SP140: variants seen among roughly 807,000 people sequenced by gnomAD.
SP140 encodes the protein nuclear body protein SP140.
Under a neutral mutation model 125.0 loss-of-function variants are expected in SP140, and 81 were observed. The ratio of observed to expected loss-of-function variants is 0.65; its 90% CI spans 0.54 to 0.78. The LOEUF is 0.78. SP140 is among the 30% of genes least tolerant of loss of function. The pLI is 0.00. For synonymous variants in SP140, 312 were observed against 354.0 expected (o/e 0.88, Z 1.33); for missense variants, 858 against 1,037.0 (o/e 0.83, Z 2.37).
At chr2:230,199,154 T>TA (rs1559160092), upstream of SP140, among the ~76,000 whole-genome samples, 75 of 111,636 alleles carry the variant, frequency 6.7e-4, no homozygotes, top group Middle Eastern at 4.7e-3. Flanking sequence ...TATTATTTTT[T>TA]TTTTTTTTTA....
chr2:230,229,432 TTTTTCCCTTTGCATGAAGAAATTC>T (rs2046918950), intron 1 of SP140, among the ~76,000 whole-genome samples: 1 of 151,146 alleles, frequency 6.6e-6, no homozygotes, highest in African/African-American at 2.4e-5. Flanking sequence ...GCCCACATCA[TTTTTCCCTTTGCATGAAGAAATTC>T]TTTTTTTTTT....
chr2:230,290,682 G>C, intron 19 of SP140, 118 bp downstream of exon 19: 1 of 818,104 alleles, frequency 1.2e-6, no homozygotes, highest in Non-Finnish European at 1.9e-6. Flanking sequence ...TGGCTTGAGG[G>C]AAGGAGGAAG....
chr2:230,225,946 A>AGG (rs748964691), intron 1 of SP140, 43 bp downstream of exon 1: 7 of 1,531,436 alleles, frequency 4.6e-6, no homozygotes, highest in Admixed American at 1.7e-5. Flanking sequence ...CATCTCTGGT[A>AGG]GGGTTCCCTT....
intron 22 of SP140, among the ~76,000 whole-genome samples, chr2:230,299,650 C>T: frequency 6.6e-6 from 1 of 152,100 alleles, no homozygotes; most frequent in Non-Finnish European, 1.5e-5. Flanking sequence ...CCATGGCAGG[C>T]AGGGAGGGGT....
chr2:230,192,261 CA>C, the SP140 span, among the ~76,000 whole-genome samples: 3 of 152,284 alleles, frequency 2.0e-5, no homozygotes, highest in South Asian at 6.2e-4. Flanking sequence ...TCCTATTCAA[CA>C]TAGTATTAGA....
intron 22 of SP140, among the ~76,000 whole-genome samples, chr2:230,308,016 C>G (rs59548048): frequency 0.085 from 10,770 of 127,366 alleles, 669 homozygotes; most frequent in South Asian, 0.21. Context: ...CACACACACA[C>G]AGAGACACAC....
rs557118005 is a variant in SP140 at position 230,256,471 on chromosome 2, A to G, written c.1240+939A>G. The stretch of plus-strand genomic sequence containing the variant: ...TCTCACTCATAGGTGGGAATTGAAC[A>G]ATGAGAACACTTGGACACAAGAAGG... On this transcript the variant is annotated intron_variant, in intron 12 of 26. Coordinates refer to ENST00000392045, the MANE Select transcript of SP140 (RefSeq NM_007237.5). Among the ~76,000 whole-genome samples, 10 of 147,260 alleles carry G rather than the reference A, an allele frequency of 6.8e-5. No homozygotes were observed. In the East Asian group the frequency reaches 2.1e-3, roughly 31 times the overall value.
At chr2:230,295,905 C>T (rs921723922) in intron 21 of SP140, among the ~76,000 whole-genome samples, 9 of 152,298 alleles carry the variant, frequency 5.9e-5, no homozygotes, top group African/African-American at 2.2e-4. Context: ...TTATCAAGCA[C>T]ACACTAAATG....
At chr2:230,218,360 A>T (rs2148962931) in intron 3 of SP140, among the ~76,000 whole-genome samples, 1 of 152,346 alleles carries the variant, frequency 6.6e-6, no homozygotes, top group South Asian at 2.1e-4. Flanking sequence ...CATGAAAAGA[A>T]TAATCCGCAA....
intron 21 of SP140, 57 bp from the exon 22 acceptor site, chr2:230,297,364 G>A (rs868465246): frequency 6.4e-7 from 1 of 1,567,874 alleles, no homozygotes; most frequent in Non-Finnish European, 8.8e-7. Context: ...TTAAATAAGT[G>A]ATAGATGGAA....
chr2:230,211,598 A>G lies in SP140; in HGVS notation c.-322-2056A>G, dbSNP rs1439199341. On this transcript the variant is annotated intron_variant, in intron 1 of 4. Coordinates refer to the SP140 transcript ENST00000456542. This position sits in a 1 kb window ranked among gnomAD's most constrained non-coding sequence, Gnocchi z 4.2. ...GTTTTAGATCTCAGGAACAGCAAGC[A>G]GGGACCAGAATGAGGAGAAAAGAGA... 3.5e-6 allele frequency: 4 copies of G among 1,143,284 alleles called. No individual in the cohort carries two copies. The highest frequency in any genetic ancestry group is 5.3e-6 in the Non-Finnish European group (4 of 750,150). 70.8% of individuals were successfully genotyped at this position (1,143,284 alleles called of 1,614,324 possible). A position where few individuals can be genotyped will look rare whatever the true frequency, so the allele number is the denominator to read the frequency against.
intron 12 of SP140, among the ~76,000 whole-genome samples, chr2:230,257,242 T>C (rs2051371996): frequency 6.6e-6 from 1 of 151,772 alleles, no homozygotes; most frequent in Admixed American, 6.6e-5. Context: ...GGAAACATTA[T>C]CAAGAGTTGG....
At chr2:230,285,448 G>A (rs548610655) in intron 16 of SP140, among the ~76,000 whole-genome samples, 1 of 152,268 alleles carries the variant, frequency 6.6e-6, no homozygotes, top group African/African-American at 2.4e-5. Context: ...TTTTAAGAAT[G>A]GCTGTTTTCA....
chr2:230,246,730 T>C (rs1381212303), intron 7 of SP140, among the ~76,000 whole-genome samples: 1 of 152,000 alleles, frequency 6.6e-6, no homozygotes, highest in African/African-American at 2.4e-5. Flanking sequence ...GATAGAGGCA[T>C]GGAAATGAGC....
At chr2:230,294,420 C>A (rs977202716) in intron 21 of SP140, 102 bp downstream of exon 21, 1 of 828,762 alleles carries the variant, frequency 1.2e-6, no homozygotes, top group Non-Finnish European at 2.0e-6. Flanking sequence ...AATAATTAAG[C>A]TTTCACCTTC....
intron 22 of SP140, among the ~76,000 whole-genome samples, chr2:230,305,311 G>A (rs1352733399): frequency 1.3e-5 from 2 of 152,234 alleles, no homozygotes; most frequent in African/African-American, 4.8e-5. Context: ...TGGTGGGAAT[G>A]TAAACTAGTA....
chr2:230,222,229 CA>C (rs1204772131), upstream of SP140, among the ~76,000 whole-genome samples: 17,337 of 77,222 alleles, frequency 0.22, 853 homozygotes, highest in Middle Eastern at 0.25. Context: ...GATCCCGCCT[CA>C]AAAAAAAAAA....
intron 12 of SP140, among the ~76,000 whole-genome samples, chr2:230,261,631 A>G (rs2052266512): frequency 6.6e-6 from 1 of 152,154 alleles, no homozygotes; most frequent in South Asian, 2.1e-4. Flanking sequence ...TGTCTCTTGT[A>G]TGCTGATTTT....
In SP140 at chr2:230,283,906, A is replaced by G. The variant is rs567971220; in HGVS notation, c.1499-440A>G. On this transcript the variant is annotated intron_variant, in intron 15 of 26. Transcript: ENST00000392045. ...AATTCTATAATGATTATGTAATTAC[A>G]TAATGAAAACTCTCCATATCAGAGT... is the stretch of plus-strand genomic sequence containing the variant. 2.1e-3 allele frequency among the ~76,000 whole-genome samples: 313 copies of G among 152,326 alleles called. 14 individuals carry two copies. In the South Asian group the frequency reaches 0.062, roughly 30 times the overall value.
Sources: allele counts gnomAD v4.1 joint callset (sites outside exome capture counted in the v4.1 genomes callset), GRCh38; gene constraint gnomAD v4.1.1; non-coding constraint Gnocchi (gnomAD v3.1); transcripts MANE v1.5; gene names NCBI Gene and HGNC (gene_info 2026-07-23, HGNC 2026-07-21).